Variants in XKR4 observed in about 807,000 individuals in gnomAD.
XKR4 encodes XK related 4, also known as XK-related protein 4.
A neutral mutation model predicts 53.9 loss-of-function variants in XKR4; 12 were observed. The ratio of observed to expected loss-of-function variants is 0.22; its 90% CI spans 0.14 to 0.36. The LOEUF (loss-of-function observed/expected upper bound fraction) is 0.36, where lower values mean the gene tolerates loss of function less well. XKR4 is among the 10% of genes least tolerant of loss of function. XKR4 has a pLI of 1.00. For missense variants in XKR4, 799 were observed against 859.5 expected, an observed-to-expected ratio of 0.93 and a Z score of 0.88; for synonymous variants, 354 against 362.4, an observed-to-expected ratio of 0.98 and a Z score of 0.26.
At chr8:55,352,189 G>A (rs1803733682) in intron 1 of XKR4, among the ~76,000 whole-genome samples, 1 of 152,220 alleles carries the variant, frequency 6.6e-6, no homozygotes, top group African/African-American at 2.4e-5. Flanking sequence ...GTTTTACCCG[G>A]GTGGGGAGAG....
chr8:55,310,666 A>G (rs1274033290), intron 1 of XKR4, among the ~76,000 whole-genome samples: 2 of 152,198 alleles, frequency 1.3e-5, no homozygotes, highest in African/African-American at 4.8e-5. Context: ...CTGAGCCTCC[A>G]CCATAACATA....
intron 1 of XKR4, among the ~76,000 whole-genome samples, chr8:55,259,933 C>T (rs1283644953): frequency 6.6e-6 from 1 of 151,942 alleles, no homozygotes; most frequent in African/African-American, 2.4e-5. Flanking sequence ...TGCCCCTCCC[C>T]ACCCCTTGTG....
intron 1 of XKR4, among the ~76,000 whole-genome samples, chr8:55,254,702 C>T (rs181226151): frequency 1.3e-5 from 2 of 152,206 alleles, no homozygotes; most frequent in East Asian, 3.9e-4. Context: ...ACCCTAGAAC[C>T]GCATGCTCTC....
intron 2 of XKR4, chr8:55,453,368 A>T: frequency 2.2e-6 from 1 of 455,344 alleles, no homozygotes; most frequent in South Asian, 1.6e-5. Flanking sequence ...ATGCAGGTAC[A>T]GTTCCCGGGT....
At chr8:55,307,209 C>T (rs910564677) in intron 1 of XKR4, among the ~76,000 whole-genome samples, 10 of 152,110 alleles carry the variant, frequency 6.6e-5, no homozygotes, top group Non-Finnish European at 1.5e-4. Flanking sequence ...AGACATGCTG[C>T]GGACTGCGAG....
intron 2 of XKR4, among the ~76,000 whole-genome samples, chr8:55,493,801 C>G (rs1172874140): frequency 6.6e-6 from 1 of 152,244 alleles, no homozygotes; most frequent in Admixed American, 6.5e-5. Flanking sequence ...CCACACAGTT[C>G]TCCTTTTTCC....
At chr8:55,449,235 G>A (rs761939562) in intron 2 of XKR4, among the ~76,000 whole-genome samples, 3 of 151,424 alleles carry the variant, frequency 2.0e-5, no homozygotes, top group Non-Finnish European at 4.4e-5. Flanking sequence ...GAAACAATTC[G>A]CCTGCAGCCA....
intron 2 of XKR4, among the ~76,000 whole-genome samples, chr8:55,511,215 C>G (rs907289003): frequency 1.3e-5 from 2 of 152,170 alleles, no homozygotes; most frequent in African/African-American, 4.8e-5. Flanking sequence ...TTTTCCTGCT[C>G]CCCCTGAACC....
intron 1 of XKR4, chr8:55,135,149 T>TCTACA (rs2129353485): frequency 6.5e-6 from 1 of 154,188 alleles, no homozygotes; most frequent in East Asian, 1.9e-4. Flanking sequence ...TACATGTAAG[T>TCTACA]CTACACACAT....
In XKR4 at chr8:55,102,935, C is replaced by G; in HGVS notation, c.447C>G (p.Leu149=). The G allele has an allele frequency of 3.1e-6, 5 of 1,611,752 alleles. No individual in the cohort carries two copies. The highest frequency in any genetic ancestry group is 1.3e-5 in the African/African-American group (1 of 75,070). The change falls in exon 1 of 3, where the codon CTC becomes CTG. Residue 149 remains leucine, a synonymous_variant. Transcript: ENST00000327381. This position sits in a 1 kb window ranked among gnomAD's most constrained non-coding sequence, Gnocchi z 5.1. Reference sequence around the variant, plus strand: ...AGCGCTGGTGGTTCGGGCTCACGCTCTTCTTCGTGGTGCTCGGCTCTCTGT... The same window carrying G: ...AGCGCTGGTGGTTCGGGCTCACGCTGTTCTTCGTGGTGCTCGGCTCTCTGT... ...RGQRWWFGLT[L]FFVVLGSLSV...
chr8:55,469,636 TA>T (rs993356958), intron 2 of XKR4, among the ~76,000 whole-genome samples: 5 of 151,828 alleles, frequency 3.3e-5, no homozygotes, highest in Admixed American at 2.0e-4. Context: ...TAGCAGAACT[TA>T]AAAAAAATTA....
At chr8:55,278,141 C>A (rs1392466372) in intron 1 of XKR4, among the ~76,000 whole-genome samples, 3 of 152,030 alleles carry the variant, frequency 2.0e-5, no homozygotes, top group Non-Finnish European at 4.4e-5. Flanking sequence ...TCAAGACCAG[C>A]CTGGCCAACG....
rs1364592201 is a variant in XKR4 at position 55,160,693 on chromosome 8, A to G, written c.806+57399A>G. Among the ~76,000 whole-genome samples, 4 of 152,172 alleles carry G rather than the reference A, an allele frequency of 2.6e-5. No individual in the cohort carries two copies. In the East Asian group the frequency reaches 7.7e-4, roughly 29 times the overall value. ...TTGTTGTTATATTCGGTTGAACCAC[A>G]CAAAATGGCCAATGTTTGACTGTTT... On this transcript the variant is annotated intron_variant, in intron 1 of 2. Transcript: ENST00000327381.
At chr8:55,492,905 C>A (rs1806291585) in intron 2 of XKR4, among the ~76,000 whole-genome samples, 1 of 152,182 alleles carries the variant, frequency 6.6e-6, no homozygotes, top group Non-Finnish European at 1.5e-5. Context: ...CTCTCAGCAC[C>A]AGGGGCCTTG....
chr8:55,489,081 A>T (rs1183241189), intron 2 of XKR4, among the ~76,000 whole-genome samples: 1 of 152,216 alleles, frequency 6.6e-6, no homozygotes, highest in Non-Finnish European at 1.5e-5. Context: ...ATGGCATTAT[A>T]CATTTGTCCA....
intron 1 of XKR4, among the ~76,000 whole-genome samples, chr8:55,180,952 CTAA>C (rs1376405297): frequency 2.6e-5 from 4 of 152,164 alleles, no homozygotes; most frequent in Admixed American, 6.5e-5. Flanking sequence ...AACAGACTTG[CTAA>C]TGAGTAGTAT....
intron 2 of XKR4, among the ~76,000 whole-genome samples, chr8:55,358,629 G>A (rs1803855033): frequency 6.6e-6 from 1 of 152,214 alleles, no homozygotes; most frequent in African/African-American, 2.4e-5. Context: ...TGGGTAAGCA[G>A]GTGAATACAT....
rs148453659 is a variant in XKR4, at chr8:55,216,591, G to A, written c.806+113297G>A. Among the ~76,000 whole-genome samples the A allele has an allele frequency of 5.4e-3, 827 of 152,184 alleles. 5 individuals are homozygous for A. The highest frequency in any genetic ancestry group is 0.033 in the South Asian group (160 of 4,826). ...AAAAATACAAAATTAGCTGGGTGTG[G>A]TGGCACATGCCTGTAATCCCAGCTA... On this transcript the variant is annotated intron_variant, in intron 1 of 2. Coordinates refer to ENST00000327381, the MANE Select transcript of XKR4 (RefSeq NM_052898.2).
chr8:55,115,180 G>A (rs1052729697), intron 1 of XKR4, among the ~76,000 whole-genome samples: 2 of 152,186 alleles, frequency 1.3e-5, no homozygotes, highest in African/African-American at 4.8e-5. Context: ...AAAGCATGGA[G>A]CAACTACTGC....
Sources: gnomAD v4.1 joint callset for allele counts (sites outside exome capture counted in the v4.1 genomes callset) on GRCh38, gnomAD v4.1.1 for gene constraint, Gnocchi (gnomAD v3.1) non-coding constraint, MANE v1.5 for transcripts, NCBI Gene and HGNC (gene_info 2026-07-23, HGNC 2026-07-21) for gene names.